ALDH1A1: variants seen among roughly 807,000 people sequenced by gnomAD.
ALDH1A1 encodes aldehyde dehydrogenase 1 family member A1, also known as aldehyde dehydrogenase 1A1.
A neutral mutation model predicts 62.1 loss-of-function variants in ALDH1A1; 19 were observed. The ratio of observed to expected loss-of-function variants is 0.31; its 90% confidence interval spans 0.21 to 0.45. ALDH1A1 has a LOEUF of 0.45. Among genes scored for constraint, ALDH1A1 ranks in the 20% least tolerant of loss-of-function variants. ALDH1A1 has a pLI of 1.00. For synonymous variants in ALDH1A1, 231 were observed against 215.9 expected (o/e 1.07, Z -0.61); for missense variants, 521 against 607.1 (o/e 0.86, Z 1.49).
intron 5 of ALDH1A1, 76 bp from the exon 6 acceptor site, chr9:72,925,688 A>C: frequency 6.7e-7 from 1 of 1,485,680 alleles, no homozygotes; most frequent in Non-Finnish European, 9.2e-7. Context: ...CATATTATAC[A>C]CCCCCTGTAG....
intron 9 of ALDH1A1, among the ~76,000 whole-genome samples, chr9:72,912,666 C>T (rs952618184): frequency 3.9e-5 from 6 of 152,108 alleles, no homozygotes; most frequent in East Asian, 1.9e-4. Flanking sequence ...CCATAGTCTG[C>T]GCACCCTTCC....
chr9:72,901,170 T>A lies in ALDH1A1; in HGVS notation c.*38A>T, dbSNP rs370063892. On this transcript the variant is annotated 3_prime_UTR_variant, in exon 13 of 13. Coordinates refer to ENST00000297785, the MANE Select transcript of ALDH1A1 (RefSeq NM_000689.5). ...ATATTAGTGACTGTAAGGAGATGCT[T>A]AGCTATTGAAGAGCTTCTCTCCACT... 3.4e-6 allele frequency: 5 copies of A among 1,454,318 alleles called. No individual in the cohort carries two copies. Among genetic ancestry groups the A allele is most frequent in the Non-Finnish European group, 4.8e-6 (5 of 1,037,968 alleles). The allele number at this position is 1,454,318 out of a possible 1,614,324, so 90.1% of individuals were successfully genotyped here.
At chr9:72,932,556 C>A (rs116135648) in intron 2 of ALDH1A1, among the ~76,000 whole-genome samples, 1 of 152,160 alleles carries the variant, frequency 6.6e-6, no homozygotes. Flanking sequence ...TAATACATCA[C>A]ACACTGATAT....
chr9:72,930,450 T>C (rs985331729), intron 3 of ALDH1A1, among the ~76,000 whole-genome samples: 1 of 152,182 alleles, frequency 6.6e-6, no homozygotes, highest in African/African-American at 2.4e-5. Context: ...AGAAATAAGA[T>C]TTATTTTAGA....
At chr9:72,924,199 T>C (rs1830177875) in intron 6 of ALDH1A1, 67 bp from the exon 7 acceptor site, 1 of 1,149,720 alleles carries the variant, frequency 8.7e-7, no homozygotes. Context: ...GAGTAGGGGA[T>C]TGAGATTGTC....
chr9:72,944,585 G>T (rs935307436), intron 1 of ALDH1A1, among the ~76,000 whole-genome samples: 1 of 151,918 alleles, frequency 6.6e-6, no homozygotes, highest in African/African-American at 2.4e-5. Context: ...TATATTAATG[G>T]TTATATGGAG....
At chr9:72,901,564 T>C (rs1829803963) in intron 12 of ALDH1A1, among the ~76,000 whole-genome samples, 1 of 152,058 alleles carries the variant, frequency 6.6e-6, no homozygotes, top group Admixed American at 6.6e-5. Context: ...ATTATTCTAC[T>C]TGATTTTAAA....
At chr9:72,916,550 A>C (rs1332829553) in intron 9 of ALDH1A1, among the ~76,000 whole-genome samples, 1 of 152,164 alleles carries the variant, frequency 6.6e-6, no homozygotes, top group East Asian at 1.9e-4. Context: ...TGTGGAGATG[A>C]AGGATTCAGG....
chr9:72,934,730 C>T (rs1830327661), intron 2 of ALDH1A1, among the ~76,000 whole-genome samples: 1 of 152,188 alleles, frequency 6.6e-6, no homozygotes, highest in African/African-American at 2.4e-5. Context: ...TACTAAGCTC[C>T]AGGCACTAAG....
chr9:72,904,734 C>G (rs932032010), intron 12 of ALDH1A1, among the ~76,000 whole-genome samples: 1 of 152,098 alleles, frequency 6.6e-6, no homozygotes, highest in African/African-American at 2.4e-5. Flanking sequence ...CATCCTGACT[C>G]TTATACTCTG....
chr9:72,942,593 C>T (rs1474332102), intron 1 of ALDH1A1, among the ~76,000 whole-genome samples: 1 of 152,072 alleles, frequency 6.6e-6, no homozygotes, highest in East Asian at 1.9e-4. Context: ...TTTAGTGATC[C>T]TCTATTGTCA....
At chr9:72,931,122 C>A in intron 2 of ALDH1A1, 103 bp from the exon 3 acceptor site, 1 of 1,297,650 alleles carries the variant, frequency 7.7e-7, no homozygotes, top group Non-Finnish European at 1.1e-6. Flanking sequence ...CATAAGCAGG[C>A]ACTGTGTCTC....
rs1163206179 is a variant in ALDH1A1, at chr9:72,923,851, C to T, written c.747+168G>A. On this transcript the variant is annotated intron_variant, in intron 7 of 12. Transcript: ENST00000297785. ...AAATAGGTGCATCATGTCATTCAAA[C>T]TACATCTGCTTATATTCTATCCATA... is the stretch of plus-strand genomic sequence containing the variant. The T allele has an allele frequency of 1.3e-5, 6 of 447,076 alleles. No individual in the cohort carries two copies. The East Asian group carries it at 2.3e-4, about 17-fold the overall frequency. The allele number at this position is 447,076 out of a possible 1,614,324, so 27.7% of individuals were successfully genotyped here.
At chr9:72,918,847 G>A (rs1389289239) in intron 7 of ALDH1A1, 25 bp from the exon 8 acceptor site, 1 of 1,562,816 alleles carries the variant, frequency 6.4e-7, no homozygotes, top group African/African-American at 1.4e-5. Context: ...TACAAAGGAG[G>A]AGGCTTACCC....
At chr9:72,915,532 C>T (rs1197272669) in intron 9 of ALDH1A1, among the ~76,000 whole-genome samples, 1 of 152,010 alleles carries the variant, frequency 6.6e-6, no homozygotes, top group Non-Finnish European at 1.5e-5. Flanking sequence ...CTCTTGGCAT[C>T]CATATACCAA....
intron 1 of ALDH1A1, among the ~76,000 whole-genome samples, chr9:72,948,531 T>C (rs1279180214): frequency 6.6e-6 from 1 of 151,934 alleles, no homozygotes; most frequent in Admixed American, 6.6e-5. Flanking sequence ...TGGTAAGACC[T>C]CTGGATCTTT....
intron 4 of ALDH1A1, among the ~76,000 whole-genome samples, chr9:72,928,506 T>G (rs934295359): frequency 5.3e-5 from 8 of 152,144 alleles, no homozygotes; most frequent in Non-Finnish European, 1.2e-4. Flanking sequence ...GAGGCTTAAA[T>G]AATTACATTA....
chr9:72,948,927 T>A (rs933754789), intron 1 of ALDH1A1, among the ~76,000 whole-genome samples: 5 of 151,804 alleles, frequency 3.3e-5, no homozygotes, highest in Non-Finnish European at 7.4e-5. Context: ...AATTTGTTTG[T>A]TGTAAGAATT....
chr9:72,914,735 GTATATA>G (rs35871415), intron 9 of ALDH1A1, among the ~76,000 whole-genome samples: 2 of 150,686 alleles, frequency 1.3e-5, no homozygotes, highest in Admixed American at 1.3e-4. Flanking sequence ...AATATGCAAA[GTATATA>G]TATATATTTT....
Sources: allele counts gnomAD v4.1 joint callset (sites outside exome capture counted in the v4.1 genomes callset), GRCh38; gene constraint gnomAD v4.1.1; transcripts MANE v1.5; gene names NCBI Gene and HGNC (gene_info 2026-07-23, HGNC 2026-07-21).